GRIK3: variants seen among roughly 807,000 people sequenced by gnomAD.
The protein encoded by GRIK3 is glutamate receptor ionotropic, kainate 3.
A neutral mutation model predicts 102.5 loss-of-function variants in GRIK3; 29 were observed. That is an observed-to-expected ratio of 0.28 (90% CI 0.21 to 0.39). The LOEUF is 0.39. GRIK3 is among the 10% of genes least tolerant of loss of function. GRIK3 has a pLI of 1.00. For synonymous variants in GRIK3, 511 were observed against 504.9 expected (o/e 1.01, Z -0.16); for missense variants, 908 against 1,252.4 (o/e 0.73, Z 4.15).
intron 5 of GRIK3, among the ~76,000 whole-genome samples, chr1:36,860,233 C>G (rs977060735): frequency 6.6e-6 from 1 of 152,196 alleles, no homozygotes; most frequent in African/African-American, 2.4e-5. Flanking sequence ...GCAACTGATC[C>G]TCCATGCTAA....
rs541660277 is a variant in GRIK3, at chr1:36,974,841, A to G, written c.115+59153T>C. On this transcript the variant is annotated intron_variant, in intron 1 of 15. Coordinates refer to ENST00000373091, the MANE Select transcript of GRIK3 (RefSeq NM_000831.4). Reference sequence around the variant, plus strand: ...AAAAAAAGGAATGCCATTCTGATACATGCTACAATATGGATTAACCTCTAA... The same window carrying G: ...AAAAAAAGGAATGCCATTCTGATACGTGCTACAATATGGATTAACCTCTAA... Among the ~76,000 whole-genome samples, 275 of 152,078 alleles carry G rather than the reference A, an allele frequency of 1.8e-3. 2 individuals carry two copies. The highest frequency in any genetic ancestry group is 6.2e-3 in the African/African-American group (259 of 41,486).
chr1:36,965,084 G>T (rs1642065241), intron 1 of GRIK3, among the ~76,000 whole-genome samples: 1 of 152,214 alleles, frequency 6.6e-6, no homozygotes, highest in Admixed American at 6.5e-5. Flanking sequence ...ACCTGAAAAA[G>T]CAGGCTCAAA....
chr1:36,905,273 G>A (rs1272450385), intron 1 of GRIK3, among the ~76,000 whole-genome samples: 2 of 152,144 alleles, frequency 1.3e-5, no homozygotes, highest in Non-Finnish European at 2.9e-5. Context: ...TTACTCCTTG[G>A]AAGGGATGGC....
rs1233497042 is a variant in GRIK3, at chr1:36,825,880, G to A, written c.1531-54C>T. The A allele has an allele frequency of 1.5e-5, 19 of 1,288,480 alleles. No homozygotes were observed. In the East Asian group the frequency reaches 1.9e-4, roughly 13 times the overall value. The allele number at this position is 1,288,480 out of a possible 1,614,324, so 79.8% of individuals were successfully genotyped here. Reference sequence around the variant, plus strand: ...ACTATGAGCAAAGTCTCAGAATAGCGGGAGACAGAACACCATTGCTGGAGG... The same window carrying A: ...ACTATGAGCAAAGTCTCAGAATAGCAGGAGACAGAACACCATTGCTGGAGG... On this transcript the variant is annotated intron_variant, in intron 10 of 15. Transcript: ENST00000373091.
In GRIK3 at chr1:36,817,096, C is replaced by T. The variant is rs1437558074; in HGVS notation, c.2055G>A (p.Gly685=). The T allele has an allele frequency of 2.5e-6, 4 of 1,614,000 alleles. No individual in the cohort carries two copies. ...TCATGGTGGCCCCATCCTTGACAGC[C>T]CCATACTCGATTTTGGTTTGCTTGG... ...DLAKQTKIEY[G]AVKDGATMTF... is the part of the protein sequence containing the mutation. The change falls in exon 13 of 16, where the codon GGG becomes GGA. Residue 685 remains glycine (G), a synonymous_variant. Coordinates refer to ENST00000373091, the MANE Select transcript of GRIK3 (RefSeq NM_000831.4).
intron 5 of GRIK3, among the ~76,000 whole-genome samples, chr1:36,867,460 A>G (rs1345771963): frequency 6.6e-6 from 1 of 152,130 alleles, no homozygotes; most frequent in Non-Finnish European, 1.5e-5. Flanking sequence ...ATATAGCTAA[A>G]TGCTCCCAGG....
intron 1 of GRIK3, among the ~76,000 whole-genome samples, chr1:36,983,420 G>A (rs906283462): frequency 2.6e-5 from 4 of 152,108 alleles, no homozygotes; most frequent in African/African-American, 7.2e-5. Flanking sequence ...TTCTGGCACC[G>A]GGTGTAGGAG....
At chr1:36,848,683 T>G (rs1241738747) in intron 9 of GRIK3, among the ~76,000 whole-genome samples, 1 of 152,142 alleles carries the variant, frequency 6.6e-6, no homozygotes, top group Admixed American at 6.6e-5. Context: ...CTTTTCTATT[T>G]TTATCCACAT....
intron 1 of GRIK3, among the ~76,000 whole-genome samples, chr1:37,004,108 C>T (rs1198850414): frequency 6.6e-6 from 1 of 152,072 alleles, no homozygotes; most frequent in Non-Finnish European, 1.5e-5. Context: ...CAAAGGAAGC[C>T]ACCTTCTAAA....
intron 2 of GRIK3, among the ~76,000 whole-genome samples, chr1:36,883,930 T>C (rs1641010683): frequency 6.6e-6 from 1 of 152,236 alleles, no homozygotes; most frequent in Non-Finnish European, 1.5e-5. Flanking sequence ...CTGAAATCTG[T>C]ACTTCTACCA....
chr1:36,826,422 A>G (rs561456841), intron 10 of GRIK3, among the ~76,000 whole-genome samples: 18 of 152,340 alleles, frequency 1.2e-4, no homozygotes, highest in East Asian at 1.2e-3. Context: ...CAATCCCAGC[A>G]CTTTGGAGGC....
rs1298168984 is a variant in GRIK3 at position 36,961,512 on chromosome 1, G to A, written c.116-70416C>T. ...GAGGGGTGGCTCTCAGGAGGCCACA[G>A]CCCACGAGCAAGCACAGATGCCCAC... On this transcript the variant is annotated intron_variant, in intron 1 of 15. Coordinates refer to ENST00000373091, the MANE Select transcript of GRIK3 (RefSeq NM_000831.4). Among the ~76,000 whole-genome samples the A allele has an allele frequency of 2.6e-5, 4 of 152,330 alleles. No individual in the cohort carries two copies. In the East Asian group the frequency reaches 5.8e-4, roughly 22 times the overall value.
rs1642406592 is a variant in GRIK3 at position 36,799,369 on chromosome 1, C to T, written c.*2482G>A. Reference sequence around the variant, plus strand: ...TGACCTGGAACATATGTGTGTGTCCCACACACTCGGAAACTTCAACTCCAC... The same window carrying T: ...TGACCTGGAACATATGTGTGTGTCCTACACACTCGGAAACTTCAACTCCAC... On this transcript the variant is annotated 3_prime_UTR_variant, in exon 16 of 16. Transcript: ENST00000373091. The T allele has an allele frequency of 6.6e-6, 1 of 152,214 alleles. No individual in the cohort carries two copies. The highest frequency in any genetic ancestry group is 1.5e-5 in the Non-Finnish European group (1 of 68,070). The allele number at this position is 152,214 out of a possible 1,614,324, so 9.4% of individuals were successfully genotyped here.
intron 10 of GRIK3, among the ~76,000 whole-genome samples, chr1:36,836,866 T>C (rs996175357): frequency 2.0e-5 from 3 of 152,112 alleles, no homozygotes; most frequent in Non-Finnish European, 4.4e-5. Flanking sequence ...AATTTGAGAA[T>C]AGGAGCACTC....
chr1:36,958,459 G>A (rs1253069982), intron 1 of GRIK3, among the ~76,000 whole-genome samples: 2 of 145,762 alleles, frequency 1.4e-5, no homozygotes, highest in Non-Finnish European at 3.0e-5. Context: ...TGTGCCCTGT[G>A]AGTCTGTGCC....
chr1:36,909,520 C>T (rs1345154866), intron 1 of GRIK3, among the ~76,000 whole-genome samples: 5 of 152,142 alleles, frequency 3.3e-5, no homozygotes, highest in South Asian at 2.1e-4. Flanking sequence ...AGGCTGATTT[C>T]GAACTCTTGA....
chr1:36,855,275 C>T (rs1640637519), intron 7 of GRIK3, among the ~76,000 whole-genome samples: 1 of 152,162 alleles, frequency 6.6e-6, no homozygotes, highest in Admixed American at 6.5e-5. Context: ...AGCCATGCTC[C>T]CTTGCAGATT....
At chr1:37,014,414 C>G (rs1642630361) in intron 1 of GRIK3, among the ~76,000 whole-genome samples, 1 of 152,232 alleles carries the variant, frequency 6.6e-6, no homozygotes, top group Non-Finnish European at 1.5e-5. Context: ...AACCGCAGAC[C>G]AGCTTCTGAG....
At chr1:36,851,698 T>G (rs778210835) in intron 8 of GRIK3, among the ~76,000 whole-genome samples, 1 of 152,232 alleles carries the variant, frequency 6.6e-6, no homozygotes, top group Non-Finnish European at 1.5e-5. Context: ...TCCGGGTGGC[T>G]GTGACCCGGT....
Sources: gnomAD v4.1 joint callset for allele counts (sites outside exome capture counted in the v4.1 genomes callset) on GRCh38, gnomAD v4.1.1 for gene constraint, MANE v1.5 for transcripts, NCBI Gene and HGNC (gene_info 2026-07-23, HGNC 2026-07-21) for gene names.